The following URB2 variants were observed in gnomAD, a reference collection of about 807,000 sequenced individuals.
URB2 encodes unhealthy ribosome biogenesis protein 2 homolog.
A neutral mutation model predicts 120.9 loss-of-function variants in URB2; 86 were observed. That is an observed-to-expected ratio of 0.71 (90% CI 0.60 to 0.85). The LOEUF (loss-of-function observed/expected upper bound fraction) is 0.85. URB2 is among the 40% of genes least tolerant of loss of function. The pLI is 0.00. For missense variants in URB2, 1,765 were observed against 1,836.5 expected (o/e 0.96, Z 0.71); for synonymous variants, 755 against 758.4 (o/e 1.00, Z 0.07).
At chr1:229,626,720 A>G (rs1444489129) in intron 1 of URB2, among the ~76,000 whole-genome samples, 1 of 152,108 alleles carries the variant, frequency 6.6e-6, no homozygotes, top group Non-Finnish European at 1.5e-5. Context: ...CGGGGAGAGC[A>G]TCTCGGTTGT....
chr1:229,634,331 A>C (rs1026110228), intron 3 of URB2, among the ~76,000 whole-genome samples: 6 of 151,546 alleles, frequency 4.0e-5, no homozygotes, highest in African/African-American at 1.2e-4. Context: ...TCAGCCTCCC[A>C]AGTAGCTGGG....
rs1665786578 is a variant in URB2, at chr1:229,635,716, CCAA to C, written c.1110_1112del (p.Asn371del). On this transcript the variant is annotated inframe_deletion, in exon 4 of 10. Transcript: ENST00000258243. Reference sequence around the variant, plus strand: ...GTGGAACAGCTACTAAACTCAGTGGCCAACAACAATATCTACAACATCGCTGCC... The same window carrying C: ...GTGGAACAGCTACTAAACTCAGTGGCCAACAATATCTACAACATCGCTGCC... 1 of 1,614,172 alleles carries C rather than the reference CCAA, an allele frequency of 6.2e-7. No homozygotes were observed. Among genetic ancestry groups the C allele is most frequent in the South Asian group, 1.1e-5 (1 of 91,090 alleles).
chr1:229,650,147 G>T (rs1265640866), intron 7 of URB2, among the ~76,000 whole-genome samples: 1 of 152,186 alleles, frequency 6.6e-6, no homozygotes, highest in East Asian at 1.9e-4. Flanking sequence ...CTTACTCTCT[G>T]TTCACTCTCA....
chr1:229,654,595 T>TA (rs1260445660), intron 9 of URB2, among the ~76,000 whole-genome samples: 25 of 152,142 alleles, frequency 1.6e-4, no homozygotes, highest in African/African-American at 6.0e-4. Context: ...TGGGCTCAAA[T>TA]GTTCCTCCCG....
chr1:229,647,846 A>G (rs1410838937), intron 7 of URB2, 94 bp downstream of exon 7: 5 of 1,509,224 alleles, frequency 3.3e-6, no homozygotes, highest in South Asian at 1.3e-5. Context: ...TTACTGTTGC[A>G]GGATAATAAT....
In URB2 at chr1:229,637,399, T is replaced by G; in HGVS notation, c.2786T>G (p.Leu929Arg). The G allele has an allele frequency of 6.2e-7, 1 of 1,614,206 alleles. No homozygotes were observed. Among genetic ancestry groups the G allele is most frequent in the Non-Finnish European group, 8.5e-7 (1 of 1,180,036 alleles). Reference sequence around the variant, plus strand: ...TTACTGTCCATGGCCGTCACCAAACTAGGATGCTCTTGCTCCTCCTCACTG... The same window carrying G: ...TTACTGTCCATGGCCGTCACCAAACGAGGATGCTCTTGCTCCTCCTCACTG... ...LVLLSMAVTK[L>R]GCSCSSSLAL... The change falls in exon 4 of 10, where the codon CTA becomes CGA. Residue 929 changes from leucine to arginine, a missense_variant. Coordinates refer to ENST00000258243, the MANE Select transcript of URB2 (RefSeq NM_014777.4).
At chr1:229,652,161 G>A (rs1414864357) in intron 8 of URB2, among the ~76,000 whole-genome samples, 7 of 151,216 alleles carry the variant, frequency 4.6e-5, no homozygotes, top group Non-Finnish European at 5.9e-5. Flanking sequence ...CAGCCTGGGC[G>A]ATAGAGCAAG....
chr1:229,639,696 T>C (rs780593849), intron 4 of URB2, among the ~76,000 whole-genome samples: 1 of 152,168 alleles, frequency 6.6e-6, no homozygotes, highest in African/African-American at 2.4e-5. Context: ...GTGCCTTCCT[T>C]AGTTCACCCC....
chr1:229,648,189 A>C (rs1378520180), intron 7 of URB2, among the ~76,000 whole-genome samples: 2 of 152,234 alleles, frequency 1.3e-5, no homozygotes, highest in African/African-American at 4.8e-5. Context: ...ACCTTCAGCT[A>C]TGTGTATAAA....
At chr1:229,653,980 C>A (rs1666344040) in intron 8 of URB2, among the ~76,000 whole-genome samples, 1 of 120,810 alleles carries the variant, frequency 8.3e-6, no homozygotes, top group African/African-American at 3.2e-5. Flanking sequence ...TAGATTTCAT[C>A]CTAAAAATCT....
At chr1:229,646,578 G>GT (rs1319771259) in intron 6 of URB2, among the ~76,000 whole-genome samples, 1 of 152,206 alleles carries the variant, frequency 6.6e-6, no homozygotes, top group Non-Finnish European at 1.5e-5. Flanking sequence ...AGTTGTATGT[G>GT]TGTGTGTGTT....
chr1:229,632,498 G>C (rs1235437084), intron 3 of URB2, 53 bp downstream of exon 3: 1 of 1,437,252 alleles, frequency 7.0e-7, no homozygotes, highest in Non-Finnish European at 9.2e-7. Flanking sequence ...TTGATTTCTT[G>C]TTAATGCTGG....
At chr1:229,651,168 T>C in intron 7 of URB2, 67 bp from the exon 8 acceptor site, 1 of 1,415,670 alleles carries the variant, frequency 7.1e-7, no homozygotes, top group Non-Finnish European at 9.5e-7. Flanking sequence ...AAGTATGAGC[T>C]CCTTTAAAGT....
Position 229,635,014 on chromosome 1 carries a change from C to T in URB2, c.401C>T (p.Ala134Val), listed in dbSNP as rs369601457. 1 of 1,613,556 alleles carries T rather than the reference C, an allele frequency of 6.2e-7. No homozygotes were observed. The highest frequency in any genetic ancestry group is 8.5e-7 in the Non-Finnish European group (1 of 1,179,646). ...RCCQGILSTP[A>V]LAVIYTAKQE... is the part of the protein sequence containing the mutation. Reference sequence around the variant, plus strand: ...TGCCAGGGCATCCTGTCGACACCTGCCCTGGCTGTCATCTACACGGCCAAA... The same window carrying T: ...TGCCAGGGCATCCTGTCGACACCTGTCCTGGCTGTCATCTACACGGCCAAA... The change falls in exon 4 of 10, where the codon GCC (alanine) becomes GTC (valine). Residue 134 changes from alanine to valine, a missense_variant. Coordinates refer to ENST00000258243, the MANE Select transcript of URB2 (RefSeq NM_014777.4).
At position 229,635,175 on chromosome 1, in the gene URB2, G is replaced by A. The variant is rs1404863243; in HGVS notation, c.562G>A (p.Val188Ile). Residue 188 changes from valine (V) to isoleucine (I), a missense_variant, in exon 4 of 10, where the codon GTC (valine) becomes ATC (isoleucine). Coordinates refer to ENST00000258243, the MANE Select transcript of URB2 (RefSeq NM_014777.4). ...TTATCTCTTGATCCTGCAGCAGCAG[G>A]TCAACCCAAGACGTGCCTTTGGGGA... is the stretch of plus-strand genomic sequence containing the variant. ...GHYLLILQQQ[V>I]NPRRAFGDVT... is the part of the protein sequence containing the mutation. The A allele has an allele frequency of 1.2e-6, 2 of 1,614,096 alleles. No individual in the cohort carries two copies. The highest frequency in any genetic ancestry group is 1.7e-5 in the Admixed American group (1 of 60,010).
chr1:229,633,683 A>G (rs111274902), intron 3 of URB2, among the ~76,000 whole-genome samples: 1,650 of 152,332 alleles, frequency 0.011, 29 homozygotes, highest in African/African-American at 0.038. Context: ...CTCAGATTCC[A>G]TAAGGCTGGG....
intron 9 of URB2, among the ~76,000 whole-genome samples, chr1:229,654,667 ATT>A (rs1666366453): frequency 6.6e-6 from 1 of 152,038 alleles, no homozygotes; most frequent in South Asian, 2.1e-4. Context: ...TAATTTTTAA[ATT>A]TTTGTAGAGA....
At chr1:229,628,211 T>C (rs1384943176) in intron 2 of URB2, among the ~76,000 whole-genome samples, 2 of 144,742 alleles carry the variant, frequency 1.4e-5, no homozygotes, top group African/African-American at 5.1e-5. Flanking sequence ...ATATATATTA[T>C]ACATATACAT....
rs1665837945 is a variant in URB2, at chr1:229,636,661, A to G, written c.2048A>G (p.Lys683Arg). 1 of 1,614,216 alleles carries G rather than the reference A, an allele frequency of 6.2e-7. No individual in the cohort carries two copies. The highest frequency in any genetic ancestry group is 8.5e-7 in the Non-Finnish European group (1 of 1,180,048). ...GAACAGCTGTACCTGCAGAAAATGA[A>G]AAGGACTTTAATGCAAACTAGTTTC... ...CLEQLYLQKM[K>R]RTLMQTSFRS... is the part of the protein sequence containing the mutation. Residue 683 changes from lysine to arginine, a missense_variant, in exon 4 of 10, where the codon AAA (lysine) becomes AGA (arginine). By Grantham distance (26) the Lys-to-Arg change is conservative. Transcript: ENST00000258243.
Sources: allele counts gnomAD v4.1 joint callset (sites outside exome capture counted in the v4.1 genomes callset), GRCh38; gene constraint gnomAD v4.1.1; transcripts MANE v1.5; gene names NCBI Gene and HGNC (gene_info 2026-07-23, HGNC 2026-07-21).